TSHZ3: variants seen among roughly 807,000 people sequenced by gnomAD.
TSHZ3 encodes teashirt homolog 3.
A neutral mutation model predicts 64.5 loss-of-function variants in TSHZ3; 10 were observed. The ratio of observed to expected loss-of-function variants is 0.16; its 90% CI spans 0.10 to 0.26. TSHZ3 has a LOEUF of 0.26. Ranked by LOEUF, TSHZ3 falls within the 10% of genes least tolerant of loss-of-function variation. The pLI is 1.00. For missense variants in TSHZ3, 1,242 were observed against 1,421.7 expected (o/e 0.87, Z 2.03); for synonymous variants, 608 against 593.1 (o/e 1.03, Z -0.36).
chr19:31,211,478 G>A (rs1414800959), intron 4 of TSHZ3, among the ~76,000 whole-genome samples: 2 of 152,186 alleles, frequency 1.3e-5, no homozygotes, highest in Non-Finnish European at 2.9e-5. Flanking sequence ...ATGCATGACT[G>A]TGGGCTCCTG....
chr19:31,310,322 A>C (rs1916421177), intron 1 of TSHZ3, among the ~76,000 whole-genome samples: 2 of 152,004 alleles, frequency 1.3e-5, no homozygotes, highest in South Asian at 4.2e-4. Context: ...AGAGGAGAAA[A>C]ACCACAGTCT....
intron 3 of TSHZ3, among the ~76,000 whole-genome samples, chr19:31,242,112 C>G (rs2145184549): frequency 6.6e-6 from 1 of 152,270 alleles, no homozygotes; most frequent in Middle Eastern, 3.4e-3. Flanking sequence ...AGTGACTTTC[C>G]TCTCACATAT....
rs142771425 is a variant in TSHZ3 at position 31,307,990 on chromosome 19, G to A, written c.41-28238C>T. ...TATTATTTTTCTGTCCTATCATGTA[G>A]AAGAGACAATTATGATAATGCAGTG... is the stretch of plus-strand genomic sequence containing the variant. On this transcript the variant is annotated intron_variant, in intron 1 of 1. Transcript: ENST00000240587. Among the ~76,000 whole-genome samples, 797 of 152,344 alleles carry A rather than the reference G, an allele frequency of 5.2e-3. 11 individuals are homozygous for A. Among genetic ancestry groups the A allele is most frequent in the Middle Eastern group, 0.014 (4 of 294 alleles).
At chr19:31,224,695 A>G (rs1444102770) in intron 4 of TSHZ3, among the ~76,000 whole-genome samples, 2 of 152,232 alleles carry the variant, frequency 1.3e-5, no homozygotes, top group Non-Finnish European at 2.9e-5. Context: ...CAGCAGCCCC[A>G]GTAAGTAGTT....
chr19:31,325,442 T>A (rs1420671447), intron 1 of TSHZ3, among the ~76,000 whole-genome samples: 2 of 152,178 alleles, frequency 1.3e-5, no homozygotes, highest in Non-Finnish European at 2.9e-5. Flanking sequence ...TGCTTTCATA[T>A]CCGTATCCAT....
chr19:31,274,386 C>T (rs1167263521), downstream of TSHZ3, among the ~76,000 whole-genome samples: 1 of 152,074 alleles, frequency 6.6e-6, no homozygotes, highest in Admixed American at 6.6e-5. Flanking sequence ...CAGTCTCCTC[C>T]CACAACACCC....
intron 5 of TSHZ3, among the ~76,000 whole-genome samples, chr19:31,187,619 A>C (rs1049144694): frequency 2.6e-5 from 4 of 152,058 alleles, no homozygotes; most frequent in Non-Finnish European, 5.9e-5. Context: ...TTTTGCATTT[A>C]GTGTTAGGTA....
intron 5 of TSHZ3, among the ~76,000 whole-genome samples, chr19:31,194,868 G>C (rs1379529766): frequency 1.3e-5 from 2 of 152,154 alleles, no homozygotes; most frequent in East Asian, 3.9e-4. Context: ...GGCAATGTAA[G>C]CAGGGAGATG....
chr19:31,302,653 C>G (rs1976774163), intron 1 of TSHZ3, among the ~76,000 whole-genome samples: 1 of 152,148 alleles, frequency 6.6e-6, no homozygotes, highest in South Asian at 2.1e-4. Context: ...AAACTACACA[C>G]ATACAAAAAT....
downstream of TSHZ3, among the ~76,000 whole-genome samples, chr19:31,274,061 T>A (rs186168116): frequency 2.6e-5 from 4 of 151,612 alleles, no homozygotes; most frequent in East Asian, 5.8e-4. Flanking sequence ...GAAAAAGGGG[T>A]GGGGATGAGC....
At chr19:31,244,757 C>T (rs1421229850) in intron 1 of TSHZ3, among the ~76,000 whole-genome samples, 1 of 152,188 alleles carries the variant, frequency 6.6e-6, no homozygotes, top group Non-Finnish European at 1.5e-5. Flanking sequence ...GATGCTCCCA[C>T]TTCAGCCTCC....
chr19:31,254,024 C>T (rs1281886048), intron 1 of TSHZ3, among the ~76,000 whole-genome samples: 2 of 152,238 alleles, frequency 1.3e-5, no homozygotes, highest in African/African-American at 4.8e-5. Context: ...CTCTCCTCCC[C>T]ACCCCCATCT....
intron 5 of TSHZ3, among the ~76,000 whole-genome samples, chr19:31,168,816 C>T (rs892551496): frequency 6.6e-6 from 1 of 152,184 alleles, no homozygotes; most frequent in East Asian, 1.9e-4. Context: ...TCTTGAGCCC[C>T]GTAGGACGTA....
intron 1 of TSHZ3, among the ~76,000 whole-genome samples, chr19:31,323,861 C>CTAA (rs1916849557): frequency 7.3e-6 from 1 of 137,036 alleles, no homozygotes; most frequent in Admixed American, 7.9e-5. Context: ...AACCTGGCCT[C>CTAA]CAACACACAC....
chr19:31,165,641 G>T (rs1407736598), intron 5 of TSHZ3, among the ~76,000 whole-genome samples: 1 of 152,128 alleles, frequency 6.6e-6, no homozygotes, highest in Non-Finnish European at 1.5e-5. Flanking sequence ...CTGCACCAAA[G>T]GCTCTGCCCT....
intron 1 of TSHZ3, among the ~76,000 whole-genome samples, chr19:31,250,664 T>C (rs994844909): frequency 2.0e-5 from 3 of 152,228 alleles, no homozygotes; most frequent in African/African-American, 2.4e-5. Flanking sequence ...TATTGAATCA[T>C]GGTCTCCAGA....
At chr19:31,238,536 G>A (rs963765766) in intron 3 of TSHZ3, among the ~76,000 whole-genome samples, 11 of 152,138 alleles carry the variant, frequency 7.2e-5, no homozygotes, top group East Asian at 1.9e-4. Flanking sequence ...GATTACAGGC[G>A]TGAGCCATTG....
chr19:31,337,871 C>T (rs184050544), intron 1 of TSHZ3, among the ~76,000 whole-genome samples: 74 of 152,262 alleles, frequency 4.9e-4, no homozygotes, highest in Admixed American at 4.7e-3. Flanking sequence ...AAGATAGGAA[C>T]ATTCAGCCCT....
At chr19:31,343,072 T>C (rs1874490) in intron 1 of TSHZ3, among the ~76,000 whole-genome samples, 19,945 of 152,224 alleles carry the variant, frequency 0.13, 1,415 homozygotes, top group Middle Eastern at 0.3. Context: ...TTTATTCTCT[T>C]AGCGAGGTGA....
Sources: allele counts gnomAD v4.1 joint callset (sites outside exome capture counted in the v4.1 genomes callset), GRCh38; gene constraint gnomAD v4.1.1; transcripts MANE v1.5; gene names NCBI Gene and HGNC (gene_info 2026-07-23, HGNC 2026-07-21).